Variants in FOXN3 observed in about 807,000 individuals in gnomAD.
FOXN3 encodes forkhead box protein N3.
Under a neutral mutation model 38.4 loss-of-function variants are expected in FOXN3, and 7 were observed. The observed-to-expected ratio is 0.18, with a 90% confidence interval of 0.10 to 0.34. The LOEUF (loss-of-function observed/expected upper bound fraction) is 0.34. Among genes scored for constraint, FOXN3 ranks in the 10% least tolerant of loss-of-function variants. The pLI is 1.00. For missense variants in FOXN3, 456 were observed against 613.4 expected, an observed-to-expected ratio of 0.74 and a Z score of 2.71; for synonymous variants, 230 against 242.2, an observed-to-expected ratio of 0.95 and a Z score of 0.47.
intron 4 of FOXN3, among the ~76,000 whole-genome samples, chr14:89,237,648 G>A (rs1885018542): frequency 1.3e-5 from 2 of 152,056 alleles, no homozygotes; most frequent in South Asian, 4.1e-4. Flanking sequence ...GTGAATCTAG[G>A]ATCATCTCAA....
At chr14:89,208,028 A>G (rs893783430) in intron 4 of FOXN3, among the ~76,000 whole-genome samples, 3 of 152,212 alleles carry the variant, frequency 2.0e-5, no homozygotes, top group Non-Finnish European at 4.4e-5. Flanking sequence ...GGGGACAGAC[A>G]TGAGCACCCT....
chr14:89,456,390 C>T (rs1892726985), intron 1 of FOXN3, among the ~76,000 whole-genome samples: 1 of 152,070 alleles, frequency 6.6e-6, no homozygotes. Flanking sequence ...CTCATTATAC[C>T]CCATGGCATC....
At chr14:89,166,428 T>G (rs369744224) in intron 5 of FOXN3, among the ~76,000 whole-genome samples, 20 of 150,616 alleles carry the variant, frequency 1.3e-4, no homozygotes, top group African/African-American at 4.9e-4. Flanking sequence ...GCCAACAGAG[T>G]CCATGACCCA....
At chr14:89,570,030 T>C (rs1347634491) in intron 1 of FOXN3, among the ~76,000 whole-genome samples, 4 of 150,668 alleles carry the variant, frequency 2.7e-5, no homozygotes, top group African/African-American at 7.4e-5. Flanking sequence ...AGACGGAGTC[T>C]CACTCTGTCG....
chr14:89,542,671 G>C (rs888955843), intron 1 of FOXN3, among the ~76,000 whole-genome samples: 2 of 152,162 alleles, frequency 1.3e-5, no homozygotes, highest in Non-Finnish European at 2.9e-5. Flanking sequence ...TGTCTACCCA[G>C]AGAATTTCTG....
chr14:89,526,884 C>G (rs1274097284), intron 1 of FOXN3, among the ~76,000 whole-genome samples: 1 of 152,062 alleles, frequency 6.6e-6, no homozygotes, highest in Non-Finnish European at 1.5e-5. Context: ...CTATTGGCAA[C>G]AAGACAGACA....
chr14:89,358,782 A>AG (rs1374594984), intron 2 of FOXN3, among the ~76,000 whole-genome samples: 1 of 152,230 alleles, frequency 6.6e-6, no homozygotes, highest in East Asian at 1.9e-4. Context: ...GTGCTTTCAA[A>AG]GGGGAGCCCT....
At chr14:89,287,749 TAA>T (rs58930677) in intron 3 of FOXN3, among the ~76,000 whole-genome samples, 36 of 129,674 alleles carry the variant, frequency 2.8e-4, no homozygotes, top group African/African-American at 1.0e-3. Context: ...TAAAGAATGC[TAA>T]AAAAAAAAAA....
Position 89,359,252 on chromosome 14 carries a change from C to T in FOXN3, c.544-8444G>A, listed in dbSNP as rs143968527. ...TGGAGGTTGCAGTGAGCCGAGATCA[C>T]GCCACTGCACTCCAGCCTGGGCAAC... On this transcript the variant is annotated intron_variant, in intron 2 of 5. Coordinates refer to ENST00000557258, the MANE Select transcript of FOXN3 (RefSeq NM_005197.4). 3.5e-3 allele frequency among the ~76,000 whole-genome samples: 533 copies of T among 151,622 alleles called. 4 individuals carry two copies. The highest frequency in any genetic ancestry group is 0.012 in the African/African-American group (516 of 41,296).
At position 89,180,739 on chromosome 14, in the gene FOXN3, C is replaced by G. The variant is rs190813559; in HGVS notation, c.813G>C (p.Pro271=). ...LSRGLFPGVR[P]LPITPIGVTA... is the part of the protein sequence containing the mutation. ...TCACCCCAATGGGAGTGATTGGCAG[C>G]GGCCGCACGCCAGGAAACAGCCCTC... The change falls in exon 5 of 6, where the codon CCG becomes CCC. Residue 271 remains proline, a synonymous_variant. Transcript: ENST00000557258. The G allele has an allele frequency of 1.9e-6, 3 of 1,611,540 alleles. No homozygotes were observed. Among genetic ancestry groups the G allele is most frequent in the East Asian group, 2.2e-5 (1 of 44,826 alleles).
At chr14:89,471,383 C>T (rs997908466) in intron 1 of FOXN3, among the ~76,000 whole-genome samples, 1 of 152,122 alleles carries the variant, frequency 6.6e-6, no homozygotes, top group African/African-American at 2.4e-5. Flanking sequence ...GGATGGATTG[C>T]TTGAGCCCAG....
chr14:89,306,655 C>T (rs992055184), intron 3 of FOXN3, among the ~76,000 whole-genome samples: 1 of 152,174 alleles, frequency 6.6e-6, no homozygotes, highest in African/African-American at 2.4e-5. Flanking sequence ...GCGTGAGCCA[C>T]CGCGCCCGGC....
intron 3 of FOXN3, among the ~76,000 whole-genome samples, chr14:89,299,797 C>T (rs1245707495): frequency 4.6e-5 from 7 of 152,316 alleles, no homozygotes; most frequent in Admixed American, 2.0e-4. Flanking sequence ...CAAATGGCAC[C>T]AGTGCAACAG....
intron 4 of FOXN3, among the ~76,000 whole-genome samples, chr14:89,198,726 C>T (rs1012999891): frequency 1.3e-5 from 2 of 152,120 alleles, no homozygotes; most frequent in African/African-American, 2.4e-5. Flanking sequence ...CATTCTACAG[C>T]GTAAAGGACA....
chr14:89,216,706 C>T (rs969675334), intron 4 of FOXN3, among the ~76,000 whole-genome samples: 1 of 152,194 alleles, frequency 6.6e-6, no homozygotes, highest in Non-Finnish European at 1.5e-5. Context: ...GACCTCAGGC[C>T]AGGTTTGGTC....
chr14:89,560,908 C>T (rs1287264627), intron 1 of FOXN3, among the ~76,000 whole-genome samples: 3 of 152,126 alleles, frequency 2.0e-5, no homozygotes, highest in Admixed American at 2.0e-4. Context: ...AGTAGAGGTG[C>T]TCCAGGTTAT....
chr14:89,223,660 C>T (rs916863907), intron 4 of FOXN3, among the ~76,000 whole-genome samples: 2 of 152,156 alleles, frequency 1.3e-5, no homozygotes, highest in Non-Finnish European at 2.9e-5. Context: ...ACTGGGCAGT[C>T]GAGGGTGAGA....
chr14:89,362,156 C>G (rs1428483492), intron 2 of FOXN3, among the ~76,000 whole-genome samples: 1 of 31,046 alleles, frequency 3.2e-5, no homozygotes, highest in Non-Finnish European at 5.5e-5. Flanking sequence ...ACCACCTCCA[C>G]CACCACCACC....
rs146931405 is a variant in FOXN3 at position 89,182,052 on chromosome 14, TA to T, written c.746-1247del. Among the ~76,000 whole-genome samples the T allele has an allele frequency of 4.5e-3, 682 of 152,278 alleles. 9 individuals carry two copies. Among genetic ancestry groups the T allele is most frequent in the African/African-American group, 0.016 (655 of 41,558 alleles). ...CTCAGATAGTGGCAAGGTGGGTAAA[TA>T]GTGCTTTTTCAAACAAAGACCGTTG... On this transcript the variant is annotated intron_variant, in intron 4 of 5. Coordinates refer to ENST00000557258, the MANE Select transcript of FOXN3 (RefSeq NM_005197.4).
Sources: allele counts gnomAD v4.1 joint callset (sites outside exome capture counted in the v4.1 genomes callset), GRCh38; gene constraint gnomAD v4.1.1; transcripts MANE v1.5; gene names NCBI Gene and HGNC (gene_info 2026-07-23, HGNC 2026-07-21).